KIAA1217: variants seen among roughly 807,000 people sequenced by gnomAD.
KIAA1217 encodes KIAA1217.
A neutral mutation model predicts 163.9 loss-of-function variants in KIAA1217; 88 were observed. That is an observed-to-expected ratio of 0.54 (90% CI 0.45 to 0.64). The LOEUF is 0.64. Ranked by LOEUF, KIAA1217 falls within the 30% of genes least tolerant of loss-of-function variation. The pLI, the probability that KIAA1217 is intolerant of heterozygous loss-of-function variation, is 0.00. For synonymous variants in KIAA1217, 903 were observed against 923.1 expected (o/e 0.98, Z 0.39); for missense variants, 2,372 against 2,475.0 (o/e 0.96, Z 0.88).
intron 2 of KIAA1217, among the ~76,000 whole-genome samples, chr10:24,151,120 A>T (rs74123654): frequency 0.069 from 10,530 of 152,002 alleles, 727 homozygotes; most frequent in African/African-American, 0.18. Context: ...CAGGGGCAGG[A>T]GGCGCATCTG....
At chr10:24,194,383 T>A (rs2066885099) in intron 2 of KIAA1217, among the ~76,000 whole-genome samples, 1 of 132,762 alleles carries the variant, frequency 7.5e-6, no homozygotes, top group Non-Finnish European at 1.6e-5. Flanking sequence ...TCCTTCCCCT[T>A]GCTATGTTGC....
intron 1 of KIAA1217, among the ~76,000 whole-genome samples, chr10:23,922,006 G>C (rs1166797561): frequency 2.6e-5 from 4 of 152,006 alleles, no homozygotes; most frequent in African/African-American, 7.2e-5. Context: ...GTTGCCAGAG[G>C]TACCAGCCAT....
At chr10:24,220,446 C>CTTCTTTTT (rs2069430658) in intron 2 of KIAA1217, among the ~76,000 whole-genome samples, 2 of 103,108 alleles carry the variant, frequency 1.9e-5, no homozygotes, top group Non-Finnish European at 3.6e-5. Flanking sequence ...TTCTGCTCTT[C>CTTCTTTTT]TTTTTTTTTT....
chr10:24,176,480 A>G (rs1315844317), intron 2 of KIAA1217, among the ~76,000 whole-genome samples: 1 of 151,500 alleles, frequency 6.6e-6, no homozygotes, highest in Non-Finnish European at 1.5e-5. Context: ...AGTCCCCACT[A>G]GATTAGCTAG....
rs566080415 is a variant in KIAA1217 at position 24,169,902 on chromosome 10, A to G, written c.-170-49724A>G. ...ACAAAAAGAAAATTAAAAAAACGAAAAAACACCTAAGCTCCCTAAGTTACT... is the reference window on the plus strand; with the variant it reads ...ACAAAAAGAAAATTAAAAAAACGAAGAAACACCTAAGCTCCCTAAGTTACT... On this transcript the variant is annotated intron_variant, in intron 2 of 18. Transcript: ENST00000376462. Among the ~76,000 whole-genome samples, 3 of 152,334 alleles carry G rather than the reference A, an allele frequency of 2.0e-5. No individual in the cohort carries two copies. The East Asian group carries it at 5.8e-4, about 29-fold the overall frequency.
At chr10:24,156,693 C>T (rs1371847213) in intron 2 of KIAA1217, among the ~76,000 whole-genome samples, 1 of 152,094 alleles carries the variant, frequency 6.6e-6, no homozygotes. Context: ...GGGCTGAGTA[C>T]CAGAAAACTA....
At chr10:24,086,042 C>T (rs1176615770) in intron 2 of KIAA1217, among the ~76,000 whole-genome samples, 1 of 151,910 alleles carries the variant, frequency 6.6e-6, no homozygotes, top group Non-Finnish European at 1.5e-5. Context: ...CCCCACTACA[C>T]ACCCCCACCA....
At chr10:24,054,358 T>C (rs1849732101) in intron 2 of KIAA1217, among the ~76,000 whole-genome samples, 1 of 152,174 alleles carries the variant, frequency 6.6e-6, no homozygotes, top group Non-Finnish European at 1.5e-5. Flanking sequence ...GAGTGCTATT[T>C]AAAGCCATGG....
intron 1 of KIAA1217, among the ~76,000 whole-genome samples, chr10:23,996,553 T>A (rs2131453225): frequency 6.6e-6 from 1 of 152,064 alleles, no homozygotes; most frequent in East Asian, 1.9e-4. Flanking sequence ...GCTGAAAGAA[T>A]GTTGAGAAAA....
intron 1 of KIAA1217, among the ~76,000 whole-genome samples, chr10:23,749,236 T>G (rs375845060): frequency 2.0e-5 from 3 of 152,304 alleles, no homozygotes; most frequent in African/African-American, 7.2e-5. Context: ...TTTTCTACCT[T>G]TATTTCAATT....
intron 1 of KIAA1217, among the ~76,000 whole-genome samples, chr10:23,742,715 C>T (rs1839187778): frequency 6.6e-6 from 1 of 152,178 alleles, no homozygotes; most frequent in Non-Finnish European, 1.5e-5. Context: ...TCCCACCAAG[C>T]CCCACCTCCA....
In KIAA1217 at chr10:23,969,097, C is replaced by T. The variant is rs556208126; in HGVS notation, c.-320-38128C>T. Among the ~76,000 whole-genome samples, 10 of 152,264 alleles carry T rather than the reference C, an allele frequency of 6.6e-5. 1 individual carries two copies. The highest frequency in any genetic ancestry group is 5.8e-4 in the East Asian group (3 of 5,172). On this transcript the variant is annotated intron_variant, in intron 1 of 18. Coordinates refer to the KIAA1217 transcript ENST00000376462. ...TTGCCCAAACTGGAGTGCAATGGCA[C>T]GATCTCGGCTCACTGCAACCTCTGC...
At chr10:24,245,598 G>A (rs956628568) in intron 2 of KIAA1217, among the ~76,000 whole-genome samples, 15 of 152,146 alleles carry the variant, frequency 9.9e-5, no homozygotes, top group African/African-American at 3.6e-4. Context: ...AAGGTCACAG[G>A]GATGTCAGAT....
At chr10:23,925,386 G>A (rs1361488797) in intron 1 of KIAA1217, among the ~76,000 whole-genome samples, 1 of 152,118 alleles carries the variant, frequency 6.6e-6, no homozygotes, top group Non-Finnish European at 1.5e-5. Flanking sequence ...CATTCTAGTG[G>A]AGAGACATGA....
intron 5 of KIAA1217, among the ~76,000 whole-genome samples, chr10:24,438,893 A>G (rs893781307): frequency 6.6e-6 from 1 of 152,194 alleles, no homozygotes; most frequent in African/African-American, 2.4e-5. Flanking sequence ...ATACTCTTAC[A>G]TTAGCTCTTC....
intron 2 of KIAA1217, among the ~76,000 whole-genome samples, chr10:24,335,659 G>C (rs907693727): frequency 1.3e-5 from 2 of 149,412 alleles, no homozygotes; most frequent in African/African-American, 5.0e-5. Flanking sequence ...GCCCAGGCTG[G>C]AGTGCAGTGG....
intron 1 of KIAA1217, among the ~76,000 whole-genome samples, chr10:23,762,538 C>T (rs1040282876): frequency 2.0e-5 from 3 of 152,118 alleles, no homozygotes; most frequent in African/African-American, 7.2e-5. Flanking sequence ...TCAATAGATG[C>T]AGAAAAAGGC....
chr10:23,730,040 A>G (rs1287318175), intron 1 of KIAA1217, among the ~76,000 whole-genome samples: 2 of 152,068 alleles, frequency 1.3e-5, no homozygotes, highest in Non-Finnish European at 2.9e-5. Context: ...TAGGTGGGAC[A>G]ACAGGCGCCC....
chr10:24,489,467 C>A (rs1271679114), intron 6 of KIAA1217, among the ~76,000 whole-genome samples: 1 of 151,470 alleles, frequency 6.6e-6, no homozygotes, highest in Non-Finnish European at 1.5e-5. Flanking sequence ...AATAGCCATT[C>A]ATTTACTTAG....
Sources: gnomAD v4.1 joint callset for allele counts (sites outside exome capture counted in the v4.1 genomes callset) on GRCh38, gnomAD v4.1.1 for gene constraint, MANE v1.5 for transcripts, NCBI Gene and HGNC (gene_info 2026-07-23, HGNC 2026-07-21) for gene names.